Variants in RANBP2 observed in about 807,000 individuals in gnomAD.
RANBP2 encodes the protein E3 SUMO-protein ligase RanBP2.
In RANBP2, 57 loss-of-function variants were observed where a neutral mutation model predicts 303.6. The observed-to-expected ratio is 0.19, with a 90% CI of 0.15 to 0.23. The LOEUF (loss-of-function observed/expected upper bound fraction) is 0.23. Among genes scored for constraint, RANBP2 ranks in the 10% least tolerant of loss-of-function variants. The probability of loss-of-function intolerance (pLI) is 1.00; values close to 1 mark genes in which losing one functional copy is unlikely to be tolerated. For synonymous variants in RANBP2, 1,167 were observed against 1,301.5 expected, an observed-to-expected ratio of 0.90 and a Z score of 2.23; for missense variants, 3,138 against 3,780.8, an observed-to-expected ratio of 0.83 and a Z score of 4.46.
the RANBP2 span, among the ~76,000 whole-genome samples, chr2:109,683,088 C>T: frequency 1.3e-5 from 2 of 152,296 alleles, no homozygotes; most frequent in East Asian, 1.9e-4. Flanking sequence ...TCACTGCAAC[C>T]TCTGCCTCCT....
At chr2:108,928,868 T>C in the RANBP2 span, among the ~76,000 whole-genome samples, 1 of 152,240 alleles carries the variant, frequency 6.6e-6, no homozygotes, top group Non-Finnish European at 1.5e-5. Context: ...CATGAAATTT[T>C]AGTTTTCTTT....
chr2:108,951,025 A>G, the RANBP2 span, among the ~76,000 whole-genome samples: 4 of 152,322 alleles, frequency 2.6e-5, no homozygotes, highest in South Asian at 8.3e-4. Context: ...TGATGCTTCT[A>G]TATTGAAGGG....
At chr2:109,230,874 C>CAT in the RANBP2 span, among the ~76,000 whole-genome samples, 1 of 152,238 alleles carries the variant, frequency 6.6e-6, no homozygotes, top group Non-Finnish European at 1.5e-5. Context: ...GCCAATAGGA[C>CAT]TCCCTTTGGG....
the RANBP2 span, among the ~76,000 whole-genome samples, chr2:109,035,798 G>T: frequency 2.6e-5 from 4 of 152,222 alleles, no homozygotes; most frequent in African/African-American, 9.6e-5. Context: ...CCTTGGCAGG[G>T]CAAACCCAAA....
At chr2:109,540,813 A>AG in the RANBP2 span, among the ~76,000 whole-genome samples, 12 of 151,668 alleles carry the variant, frequency 7.9e-5, no homozygotes, top group South Asian at 2.1e-4. Context: ...AAAAAAAAAA[A>AG]AGCTACACAT....
the RANBP2 span, among the ~76,000 whole-genome samples, chr2:109,293,943 A>G: frequency 3.9e-5 from 6 of 152,004 alleles, no homozygotes; most frequent in Non-Finnish European, 5.9e-5. Context: ...GCCCTCCTCT[A>G]TGTTCTCCAA....
the RANBP2 span, among the ~76,000 whole-genome samples, chr2:109,411,443 G>A: frequency 5.3e-5 from 8 of 152,178 alleles, no homozygotes; most frequent in African/African-American, 1.2e-4. Flanking sequence ...CCCCAGTAGC[G>A]TGCTGCTGAG....
the RANBP2 span, among the ~76,000 whole-genome samples, chr2:108,983,532 C>T: frequency 6.6e-6 from 1 of 152,160 alleles, no homozygotes; most frequent in Non-Finnish European, 1.5e-5. Context: ...TCATCAGACC[C>T]CAACCAGACA....
the RANBP2 span, chr2:108,876,209 GGTT>G: frequency 1.2e-6 from 2 of 1,612,588 alleles, no homozygotes; most frequent in Non-Finnish European, 1.7e-6. Context: ...GTTCAATCTG[GGTT>G]TAACAAAATG....
chr2:109,384,188 G>T, the RANBP2 span, among the ~76,000 whole-genome samples: 657 of 152,280 alleles, frequency 4.3e-3, 6 homozygotes, highest in African/African-American at 0.015. Flanking sequence ...GTCCTTAAGC[G>T]CCGGCTGCGG....
the RANBP2 span, among the ~76,000 whole-genome samples, chr2:109,560,365 G>C: frequency 1.3e-5 from 2 of 152,076 alleles, no homozygotes; most frequent in Admixed American, 6.5e-5. Context: ...GATCCCCTCT[G>C]TCAAGTTCCA....
the RANBP2 span, among the ~76,000 whole-genome samples, chr2:109,566,257 A>T: frequency 1.3e-5 from 2 of 151,948 alleles, no homozygotes; most frequent in African/African-American, 4.8e-5. Context: ...AGTAGCTGGG[A>T]TTACAGTTGC....
the RANBP2 span, among the ~76,000 whole-genome samples, chr2:109,642,973 G>A: frequency 9.4e-3 from 1,435 of 152,212 alleles, 15 homozygotes; most frequent in Non-Finnish European, 0.015. Context: ...TCAGGAGTTT[G>A]AGATCAGCCT....
At chr2:109,602,506 T>A in the RANBP2 span, among the ~76,000 whole-genome samples, 1 of 151,878 alleles carries the variant, frequency 6.6e-6, no homozygotes, top group African/African-American at 2.4e-5. Flanking sequence ...TGAAACCCCA[T>A]CTCTACTAAA....
chr2:109,460,697 T>C, the RANBP2 span, among the ~76,000 whole-genome samples: 86,191 of 152,090 alleles, frequency 0.57, 24,557 homozygotes, highest in Admixed American at 0.57. Flanking sequence ...TTTTCACATG[T>C]GCTTTTCCAA....
At chr2:109,687,334 A>G in the RANBP2 span, among the ~76,000 whole-genome samples, 1 of 152,082 alleles carries the variant, frequency 6.6e-6, no homozygotes, top group African/African-American at 2.4e-5. Flanking sequence ...GATAGTCCCC[A>G]TTTGATTTTT....
At chr2:109,190,458 G>A in the RANBP2 span, among the ~76,000 whole-genome samples, 35 of 152,344 alleles carry the variant, frequency 2.3e-4, no homozygotes, top group East Asian at 1.3e-3. Context: ...ATAGGCGTGA[G>A]CCACTGCGCC....
the RANBP2 span, among the ~76,000 whole-genome samples, chr2:109,405,914 C>A: frequency 6.6e-6 from 1 of 152,234 alleles, no homozygotes; most frequent in African/African-American, 2.4e-5. Context: ...CAAGACAGCA[C>A]CGGCAGCATT....
chr2:109,522,406 C>T, the RANBP2 span, among the ~76,000 whole-genome samples: 4 of 151,690 alleles, frequency 2.6e-5, no homozygotes, highest in Non-Finnish European at 5.9e-5. Context: ...ATTCTCCTGT[C>T]TCAGCCCCAC....
Sources: gnomAD v4.1 joint callset for allele counts (sites outside exome capture counted in the v4.1 genomes callset) on GRCh38, gnomAD v4.1.1 for gene constraint, MANE v1.5 for transcripts, NCBI Gene and HGNC (gene_info 2026-07-23, HGNC 2026-07-21) for gene names.